PPIB: variants seen among roughly 807,000 people sequenced by gnomAD.
PPIB encodes peptidylprolyl isomerase B.
A neutral mutation model predicts 20.1 loss-of-function variants in PPIB; 15 were observed. The ratio of observed to expected loss-of-function variants is 0.75; its 90% CI spans 0.50 to 1.15. The LOEUF (loss-of-function observed/expected upper bound fraction) is 1.15, where lower values mean the gene tolerates loss of function less well. Ranked by LOEUF, PPIB falls within the 50% of genes most tolerant of loss-of-function variation. The pLI is 0.00. For missense variants in PPIB, 278 were observed against 283.0 expected (o/e 0.98, Z 0.13); for synonymous variants, 129 against 111.0 (o/e 1.16, Z -1.02).
Position 64,156,326 on chromosome 15 carries a change from G to A in PPIB, c.529-181C>T, listed in dbSNP as rs182294857. 3.0e-4 allele frequency: 253 copies of A among 839,334 alleles called. No individual in the cohort carries two copies. In the East Asian group the frequency reaches 3.4e-3, roughly 11 times the overall value. The allele number at this position is 839,334 out of a possible 1,614,324, so 52.0% of individuals were successfully genotyped here. ...AGAGCAGGGAGAATGCAGATTTGAC[G>A]AGGGGGTACAGGAATTTTGTTCCTT... On this transcript the variant is annotated intron_variant, in intron 4 of 4. Transcript: ENST00000300026. This position sits in a 1 kb window ranked among gnomAD's most constrained non-coding sequence, Gnocchi z 6.4.
Position 64,156,040 on chromosome 15 carries a change from C to T in PPIB, c.634G>A (p.Ala212Thr), listed in dbSNP as rs752983598. 1 of 1,614,188 alleles carries T rather than the reference C, an allele frequency of 6.2e-7. No homozygotes were observed. Among genetic ancestry groups the T allele is most frequent in the East Asian group, 2.2e-5 (1 of 44,884 alleles). Residue 212 changes from alanine (A) to threonine (T), a missense_variant, in exon 5 of 5, where the codon GCC becomes ACC. Physicochemically the swap from Ala to Thr is moderately conservative, Grantham distance 58. Transcript: ENST00000300026. This position sits in a 1 kb window ranked among gnomAD's most constrained non-coding sequence, Gnocchi z 6.4. ...CCTGTGCCCTACTCCTTGGCGATGG[C>T]AAAGGGCTTCTCCACCTCGATCTTG... Reference protein sequence around the residue: ...CGKIEVEKPFAIAKE With the variant: ...CGKIEVEKPFTIAKE
intron 1 of PPIB, 78 bp from the exon 2 acceptor site, chr15:64,162,232 T>G (rs1354288668): frequency 9.9e-7 from 1 of 1,006,206 alleles, no homozygotes; most frequent in Non-Finnish European, 1.6e-6. Context: ...GAAGCTAACC[T>G]GAGGATGGGA....
chr15:64,159,825 A>C lies in PPIB; in HGVS notation c.343+279T>G. ...TCCCCAATCCCCATTCTGAAGAGGT[A>C]TCAGGAAAGGTCACCAGGCTATAGG... is the stretch of plus-strand genomic sequence containing the variant. On this transcript the variant is annotated intron_variant, in intron 3 of 4. Coordinates refer to ENST00000300026, the MANE Select transcript of PPIB (RefSeq NM_000942.5). This position sits in a 1 kb window ranked among gnomAD's most constrained non-coding sequence, Gnocchi z 5.1. 1 of 539,628 alleles carries C rather than the reference A, an allele frequency of 1.9e-6. No individual in the cohort carries two copies. The allele number at this position is 539,628 out of a possible 1,614,324, so 33.4% of individuals were successfully genotyped here.
intron 1 of PPIB, 152 bp downstream of exon 1, chr15:64,162,700 G>A: frequency 7.7e-7 from 1 of 1,298,582 alleles, no homozygotes; most frequent in Non-Finnish European, 1.1e-6. Context: ...GTCGGGGTGG[G>A]TCCGGGTCGT....
chr15:64,162,103 C>T lies in PPIB; in HGVS notation c.187G>A (p.Gly63Ser). The part of the protein sequence containing the change: ...GDEDVGRVIF[G>S]LFGKTVPKTV... ...TTTGGAACAGTCTTTCCGAAGAGAC[C>T]AAAGATCACCCGGCCTACATCTTCA... The change falls in exon 2 of 5, where the codon GGT becomes AGT. Residue 63 changes from glycine (G) to serine (S), a missense_variant. Coordinates refer to ENST00000300026, the MANE Select transcript of PPIB (RefSeq NM_000942.5). 6.2e-7 allele frequency: 1 copy of T among 1,614,156 alleles called. No individual in the cohort carries two copies. Among genetic ancestry groups the T allele is most frequent in the Non-Finnish European group, 8.5e-7 (1 of 1,180,004 alleles).
rs1002611429 is a variant in PPIB, at chr15:64,162,975, G to A, written c.12C>T (p.Leu4=). 5.0e-6 allele frequency: 8 copies of A among 1,613,248 alleles called. No individual in the cohort carries two copies. In the Middle Eastern group the frequency reaches 6.8e-4, roughly 137 times the overall value. The change falls in exon 1 of 5, where the codon CTC becomes CTT. Residue 4 remains leucine (L), a synonymous_variant. Transcript: ENST00000300026. MLR[L]SERNMKVLLA... ...GGAGCACCTTCATGTTGCGTTCGGA[G>A]AGGCGCAGCATCCACAGGCGGAGGC...
rs568378169 is a variant in PPIB at position 64,156,894 on chromosome 15, C to T, written c.359G>A (p.Gly120Asp). Residue 120 changes from glycine to aspartate, a missense_variant, in exon 4 of 5, where the codon GGT (glycine) becomes GAT (aspartate). Physicochemically the swap from Gly to Asp is moderately conservative, Grantham distance 94. Coordinates refer to ENST00000300026, the MANE Select transcript of PPIB (RefSeq NM_000942.5). This position sits in a 1 kb window ranked among gnomAD's most constrained non-coding sequence, Gnocchi z 6.4. ...GAAGTTCTCATCGGGGAAGCGCTCA[C>T]CGTAGATGCTCTTTCCTGGGAAAAA... is the stretch of plus-strand genomic sequence containing the variant. The part of the protein sequence containing the change: ...GDGTGGKSIY[G>D]ERFPDENFKL... 6.1e-5 allele frequency: 99 copies of T among 1,614,130 alleles called. No homozygotes were observed. The highest frequency in any genetic ancestry group is 1.7e-4 in the Middle Eastern group (1 of 6,058).
Position 64,161,258 on chromosome 15 carries a change from G to A in PPIB, c.249+783C>T, listed in dbSNP as rs1350276559. Among the ~76,000 whole-genome samples, 1 of 151,902 alleles carries A rather than the reference G, an allele frequency of 6.6e-6. No homozygotes were observed. Among genetic ancestry groups the A allele is most frequent in the Non-Finnish European group, 1.5e-5 (1 of 67,944 alleles). ...ACTACAGGCATGAGTTACTGCGCCC[G>A]GCCTTTTATTTTTAATTAATTTATT... On this transcript the variant is annotated intron_variant, in intron 2 of 4. Transcript: ENST00000300026. The surrounding 1 kb of genome is among the most constrained non-coding windows in gnomAD (Gnocchi z 4.2).
rs1279143869 is a variant in PPIB at position 64,161,523 on chromosome 15, C to A, written c.249+518G>T. Reference sequence around the variant, plus strand: ...GGCGGATCACCAGAGGTCAGGAGTTCGAGTTCAGCCTGGCCAACATGGTGA... The same window carrying A: ...GGCGGATCACCAGAGGTCAGGAGTTAGAGTTCAGCCTGGCCAACATGGTGA... On this transcript the variant is annotated intron_variant, in intron 2 of 4. Coordinates refer to ENST00000300026, the MANE Select transcript of PPIB (RefSeq NM_000942.5). This position sits in a 1 kb window ranked among gnomAD's most constrained non-coding sequence, Gnocchi z 4.2. Among the ~76,000 whole-genome samples the A allele has an allele frequency of 6.6e-6, 1 of 151,798 alleles. No individual in the cohort carries two copies. The highest frequency in any genetic ancestry group is 1.5e-5 in the Non-Finnish European group (1 of 67,964).
rs1022515999 is a variant in PPIB, at chr15:64,156,389, G to A, written c.529-244C>T. 3 of 639,446 alleles carry A rather than the reference G, an allele frequency of 4.7e-6. No homozygotes were observed. Among genetic ancestry groups the A allele is most frequent in the South Asian group, 3.7e-5 (2 of 54,608 alleles). The allele number at this position is 639,446 out of a possible 1,614,324, so 39.6% of individuals were successfully genotyped here. ...CAGGTTGGGCCAAGGGTGAGGAGGA[G>A]GAAGAGGGTGACCAGGGCATGTGGC... On this transcript the variant is annotated intron_variant, in intron 4 of 4. Transcript: ENST00000300026. This position sits in a 1 kb window ranked among gnomAD's most constrained non-coding sequence, Gnocchi z 6.4.
Position 64,162,023 on chromosome 15 carries a change from C to A in PPIB, c.249+18G>T, listed in dbSNP as rs954137916. On this transcript the variant is annotated intron_variant, in intron 2 of 4. Coordinates refer to ENST00000300026, the MANE Select transcript of PPIB (RefSeq NM_000942.5). ...TTTCACTTCATGTGAGTTGACTACC[C>A]CTGCTCCAGCCACTTACCTCTCCTG... is the stretch of plus-strand genomic sequence containing the variant. 10 of 1,569,264 alleles carry A rather than the reference C, an allele frequency of 6.4e-6. No individual in the cohort carries two copies. The highest frequency in any genetic ancestry group is 8.8e-6 in the Non-Finnish European group (10 of 1,139,176).
rs1290391598 is a variant in PPIB, at chr15:64,158,032, C to A, written c.344-1123G>T. ...GTGGGATTTTGATTATAGTTGTTAT[C>A]CAGAAAACCCCCAAATCTCCATCCT... On this transcript the variant is annotated intron_variant, in intron 3 of 4. Coordinates refer to ENST00000300026, the MANE Select transcript of PPIB (RefSeq NM_000942.5). This position sits in a 1 kb window ranked among gnomAD's most constrained non-coding sequence, Gnocchi z 4.7. Among the ~76,000 whole-genome samples the A allele has an allele frequency of 6.6e-6, 1 of 152,158 alleles. No homozygotes were observed. The highest frequency in any genetic ancestry group is 1.5e-5 in the Non-Finnish European group (1 of 68,014).
In PPIB at chr15:64,158,940, C is replaced by T. The variant is rs2081549946; in HGVS notation, c.343+1164G>A. On this transcript the variant is annotated intron_variant, in intron 3 of 4. Coordinates refer to ENST00000300026, the MANE Select transcript of PPIB (RefSeq NM_000942.5). The surrounding 1 kb of genome is among the most constrained non-coding windows in gnomAD (Gnocchi z 4.7). The stretch of plus-strand genomic sequence containing the variant: ...TTCACACTCCAGATCTAGCCCAATC[C>T]TCATGGCCCCACAACTCTCTCCACC... Among the ~76,000 whole-genome samples, 1 of 152,198 alleles carries T rather than the reference C, an allele frequency of 6.6e-6. No homozygotes were observed. The highest frequency in any genetic ancestry group is 1.5e-5 in the Non-Finnish European group (1 of 68,042).
At position 64,159,314 on chromosome 15, in the gene PPIB, A is replaced by G. The variant is rs897742533; in HGVS notation, c.343+790T>C. ...AGGCGTCCGGGGGTCTTTCTGTCCT[A>G]TGTGTGCAAGTTAATGCCAAGGTGA... On this transcript the variant is annotated intron_variant, in intron 3 of 4. Coordinates refer to ENST00000300026, the MANE Select transcript of PPIB (RefSeq NM_000942.5). This position sits in a 1 kb window ranked among gnomAD's most constrained non-coding sequence, Gnocchi z 5.1. 4.6e-5 allele frequency: 7 copies of G among 152,600 alleles called. No homozygotes were observed. The highest frequency in any genetic ancestry group is 1.4e-4 in the African/African-American group (6 of 41,412). 9.5% of individuals were successfully genotyped at this position (152,600 alleles called of 1,614,324 possible). A position where few individuals can be genotyped will look rare whatever the true frequency, so the allele number is the denominator to read the frequency against.
At position 64,159,839 on chromosome 15, in the gene PPIB, C is replaced by T. The variant is rs1429390953; in HGVS notation, c.343+265G>A. On this transcript the variant is annotated intron_variant, in intron 3 of 4. Transcript: ENST00000300026. The surrounding 1 kb of genome is among the most constrained non-coding windows in gnomAD (Gnocchi z 5.1). ...TCTGAAGAGGTATCAGGAAAGGTCA[C>T]CAGGCTATAGGCCTGGATCAGCAGG... The T allele has an allele frequency of 3.5e-6, 2 of 565,938 alleles. No homozygotes were observed. The highest frequency in any genetic ancestry group is 6.3e-6 in the Non-Finnish European group (2 of 315,492). 35.1% of individuals were successfully genotyped at this position (565,938 alleles called of 1,614,324 possible). A position where few individuals can be genotyped will look rare whatever the true frequency, so the allele number is the denominator to read the frequency against.
In PPIB at chr15:64,162,112, C is replaced by T; in HGVS notation, c.178G>A (p.Val60Met). ...GTCTTTCCGAAGAGACCAAAGATCACCCGGCCTACATCTTCATCTCCAATT... is the reference window on the plus strand; with the variant it reads ...GTCTTTCCGAAGAGACCAAAGATCATCCGGCCTACATCTTCATCTCCAATT... ...LRIGDEDVGRVIFGLFGKTVP... is the reference protein window; with the variant it reads ...LRIGDEDVGRMIFGLFGKTVP... The change falls in exon 2 of 5, where the codon GTG (valine) becomes ATG (methionine). Residue 60 changes from valine (V) to methionine (M), a missense_variant. Coordinates refer to ENST00000300026, the MANE Select transcript of PPIB (RefSeq NM_000942.5). The T allele has an allele frequency of 6.2e-7, 1 of 1,614,170 alleles. No homozygotes were observed. Among genetic ancestry groups the T allele is most frequent in the South Asian group, 1.1e-5 (1 of 91,092 alleles).
In PPIB at chr15:64,159,939, T is replaced by C; in HGVS notation, c.343+165A>G. 1.4e-6 allele frequency: 1 copy of C among 701,016 alleles called. No homozygotes were observed. Among genetic ancestry groups the C allele is most frequent in the Non-Finnish European group, 2.6e-6 (1 of 383,848 alleles). The allele number at this position is 701,016 out of a possible 1,614,324, so 43.4% of individuals were successfully genotyped here. On this transcript the variant is annotated intron_variant, in intron 3 of 4. Transcript: ENST00000300026. This position sits in a 1 kb window ranked among gnomAD's most constrained non-coding sequence, Gnocchi z 5.1. ...TTATTCTCTCTCCTTTGTACTGGGT[T>C]CCCTCTTCAAAGAAGGGTGCCGCTG... is the stretch of plus-strand genomic sequence containing the variant.
chr15:64,155,858 T>C lies in PPIB; in HGVS notation c.*165A>G. 1.1e-6 allele frequency: 1 copy of C among 913,036 alleles called. No homozygotes were observed. The highest frequency in any genetic ancestry group is 1.7e-6 in the Non-Finnish European group (1 of 579,874). The allele number at this position is 913,036 out of a possible 1,614,324, so 56.6% of individuals were successfully genotyped here. A position where few individuals can be genotyped will look rare whatever the true frequency, so the allele number is the denominator to read the frequency against. ...ACCCACATTTTTTTTTATTGGTCAG[T>C]GTTGGTAGGAGTTTGTTACAAAAGT... On this transcript the variant is annotated 3_prime_UTR_variant, in exon 5 of 5. Coordinates refer to ENST00000300026, the MANE Select transcript of PPIB (RefSeq NM_000942.5).
At position 64,155,951 on chromosome 15, in the gene PPIB, T is replaced by G; in HGVS notation, c.*72A>C. On this transcript the variant is annotated 3_prime_UTR_variant, in exon 5 of 5. Transcript: ENST00000300026. ...CACCAGATGCCAGCACCGGGGCCAG[T>G]GCAGCTCAGAGCCCTGTGGCGGACT... 6.2e-7 allele frequency: 1 copy of G among 1,611,028 alleles called. No homozygotes were observed. The highest frequency in any genetic ancestry group is 8.5e-7 in the Non-Finnish European group (1 of 1,178,854).
Sources: allele counts gnomAD v4.1 joint callset (sites outside exome capture counted in the v4.1 genomes callset), GRCh38; gene constraint gnomAD v4.1.1; non-coding constraint Gnocchi (gnomAD v3.1); transcripts MANE v1.5; gene names NCBI Gene and HGNC (gene_info 2026-07-23, HGNC 2026-07-21).